The following PTPN14 variants were observed in gnomAD, a reference collection of about 807,000 sequenced individuals.
The protein encoded by PTPN14 is tyrosine-protein phosphatase non-receptor type 14.
Under a neutral mutation model 126.8 loss-of-function variants are expected in PTPN14, and 53 were observed. That is an observed-to-expected ratio of 0.42 (90% CI 0.34 to 0.53). The LOEUF (loss-of-function observed/expected upper bound fraction) is 0.53. Ranked by LOEUF, PTPN14 falls within the 20% of genes least tolerant of loss-of-function variation. PTPN14 has a pLI of 0.08. For missense variants in PTPN14, 1,257 were observed against 1,552.9 expected, an observed-to-expected ratio of 0.81 and a Z score of 3.20; for synonymous variants, 630 against 599.3, an observed-to-expected ratio of 1.05 and a Z score of -0.75.
chr1:214,432,117 G>A (rs1261800430), intron 3 of PTPN14, among the ~76,000 whole-genome samples: 2 of 152,012 alleles, frequency 1.3e-5, no homozygotes, highest in African/African-American at 2.4e-5. Context: ...CAGGAACTAT[G>A]GGCCAGGAGG....
At chr1:214,473,945 C>A (rs917787212) in intron 1 of PTPN14, among the ~76,000 whole-genome samples, 3 of 152,128 alleles carry the variant, frequency 2.0e-5, no homozygotes, top group African/African-American at 7.2e-5. Context: ...AACACAAGCC[C>A]CTGACTTTAG....
At chr1:214,376,099 C>A in intron 15 of PTPN14, 120 bp downstream of exon 15, 1 of 884,824 alleles carries the variant, frequency 1.1e-6, no homozygotes, top group Non-Finnish European at 1.7e-6. Context: ...AAAAACAATC[C>A]CTGAGGGTCT....
intron 1 of PTPN14, among the ~76,000 whole-genome samples, chr1:214,523,043 C>A (rs1412912228): frequency 6.6e-6 from 1 of 152,186 alleles, no homozygotes; most frequent in African/African-American, 2.4e-5. Flanking sequence ...ACTCCTAAGA[C>A]TTAATCATAC....
chr1:214,447,427 C>T (rs140068724), intron 3 of PTPN14, among the ~76,000 whole-genome samples: 2 of 152,116 alleles, frequency 1.3e-5, no homozygotes, highest in Non-Finnish European at 2.9e-5. Context: ...CAAACCAGAT[C>T]TCCTTTATTC....
At chr1:214,513,475 G>A (rs115459759) in intron 1 of PTPN14, among the ~76,000 whole-genome samples, 2,000 of 151,894 alleles carry the variant, frequency 0.013, 44 homozygotes, top group African/African-American at 0.046. Context: ...GCACTGGCCT[G>A]AATTTCAGTC....
chr1:214,470,028 A>G (rs1660719538), intron 1 of PTPN14, among the ~76,000 whole-genome samples: 1 of 152,208 alleles, frequency 6.6e-6, no homozygotes, highest in African/African-American at 2.4e-5. Flanking sequence ...TAGAAATTAA[A>G]GAAACTATAC....
chr1:214,452,107 T>TA (rs1290785872), intron 2 of PTPN14, 133 bp from the exon 3 acceptor site: 5 of 977,410 alleles, frequency 5.1e-6, no homozygotes, highest in Non-Finnish European at 7.6e-6. Flanking sequence ...AGCTTTGACA[T>TA]ATAACTTTGG....
intron 14 of PTPN14, among the ~76,000 whole-genome samples, chr1:214,376,908 G>T (rs1366841109): frequency 1.3e-5 from 2 of 152,138 alleles, no homozygotes; most frequent in Non-Finnish European, 2.9e-5. Context: ...TTTCTCTGAA[G>T]TCCCTTCTGG....
chr1:214,414,781 T>G, intron 3 of PTPN14, 55 bp from the exon 4 acceptor site: 1 of 1,383,230 alleles, frequency 7.2e-7, no homozygotes, highest in Non-Finnish European at 1.0e-6. Context: ...TTGGAATATA[T>G]TCCCACAACA....
chr1:214,465,728 C>G (rs1572017638), intron 1 of PTPN14, among the ~76,000 whole-genome samples: 1 of 152,008 alleles, frequency 6.6e-6, no homozygotes, highest in Non-Finnish European at 1.5e-5. Context: ...ACTTCATGAA[C>G]AACCCTATGG....
intron 1 of PTPN14, among the ~76,000 whole-genome samples, chr1:214,543,043 T>C (rs1200266882): frequency 6.6e-6 from 1 of 152,208 alleles, no homozygotes. Context: ...TGGATATGCG[T>C]GAGCTGGCAA....
At position 214,418,608 on chromosome 1, in the gene PTPN14, C is replaced by T. The variant is rs548193543; in HGVS notation, c.345-3882G>A. Among the ~76,000 whole-genome samples the T allele has an allele frequency of 8.5e-4, 130 of 152,334 alleles. 1 individual carries two copies. The highest frequency in any genetic ancestry group is 2.6e-3 in the African/African-American group (110 of 41,584). On this transcript the variant is annotated intron_variant, in intron 3 of 18. Transcript: ENST00000366956. Reference sequence around the variant, plus strand: ...AAAGTGAAAATAAAACACCACTACCCGGTGATTTTTATGATGCTTCTAAAG... The same window carrying T: ...AAAGTGAAAATAAAACACCACTACCTGGTGATTTTTATGATGCTTCTAAAG...
chr1:214,386,738 A>G, intron 12 of PTPN14, 106 bp downstream of exon 12: 1 of 1,173,990 alleles, frequency 8.5e-7, no homozygotes, highest in Non-Finnish European at 1.2e-6. Context: ...ACGATGACAA[A>G]GTTGAAAAGA....
intron 1 of PTPN14, among the ~76,000 whole-genome samples, chr1:214,490,258 C>T (rs1490106463): frequency 6.6e-6 from 1 of 152,158 alleles, no homozygotes; most frequent in Non-Finnish European, 1.5e-5. Flanking sequence ...TCACATATAA[C>T]CTTGAAATAA....
intron 7 of PTPN14, among the ~76,000 whole-genome samples, chr1:214,399,543 C>G (rs147349014): frequency 1.3e-5 from 2 of 152,128 alleles, no homozygotes; most frequent in African/African-American, 4.8e-5. Context: ...TTAAAGGAAG[C>G]CAAGAGGAGA....
rs997420432 is a variant in PTPN14, at chr1:214,352,899, G to T, written c.*5023C>A. The T allele has an allele frequency of 6.6e-6, 1 of 152,180 alleles. No homozygotes were observed. The highest frequency in any genetic ancestry group is 1.5e-5 in the Non-Finnish European group (1 of 68,040). The allele number at this position is 152,180 out of a possible 1,614,324, so 9.4% of individuals were successfully genotyped here. ...CAGAATAATTGTTGGTAAAACATGG[G>T]AATGCTCAATTCCCTAAAAGGGCTA... On this transcript the variant is annotated 3_prime_UTR_variant, in exon 19 of 19. Transcript: ENST00000366956.
intron 17 of PTPN14, among the ~76,000 whole-genome samples, chr1:214,368,642 T>C (rs1658141716): frequency 6.6e-6 from 1 of 152,182 alleles, no homozygotes; most frequent in African/African-American, 2.4e-5. Flanking sequence ...CCATCATCCA[T>C]GTCCAGTACT....
At chr1:214,359,805 G>A (rs1657913211) in intron 18 of PTPN14, among the ~76,000 whole-genome samples, 1 of 152,218 alleles carries the variant, frequency 6.6e-6, no homozygotes, top group Admixed American at 6.5e-5. Flanking sequence ...ATGGGCATGA[G>A]CCACTGTGCC....
At chr1:214,387,013 A>G in intron 11 of PTPN14, 91 bp from the exon 12 acceptor site, 1 of 1,217,272 alleles carries the variant, frequency 8.2e-7, no homozygotes, top group Non-Finnish European at 1.2e-6. Flanking sequence ...CAGTCCCGCC[A>G]CGTTGTAAGG....
Sources: gnomAD v4.1 joint callset for allele counts (sites outside exome capture counted in the v4.1 genomes callset) on GRCh38, gnomAD v4.1.1 for gene constraint, MANE v1.5 for transcripts, NCBI Gene and HGNC (gene_info 2026-07-23, HGNC 2026-07-21) for gene names.